Variants in LARP1 observed in about 807,000 individuals in gnomAD.
LARP1 encodes the protein la-related protein 1.
Under a neutral mutation model 122.7 loss-of-function variants are expected in LARP1, and 36 were observed. That is an observed-to-expected ratio of 0.29 (90% CI 0.22 to 0.39). The LOEUF (loss-of-function observed/expected upper bound fraction) is 0.39. Ranked by LOEUF, LARP1 falls within the 10% of genes least tolerant of loss-of-function variation. The pLI is 1.00. For synonymous variants in LARP1, 539 were observed against 528.7 expected, an observed-to-expected ratio of 1.02 and a Z score of -0.27; for missense variants, 1,040 against 1,403.6, an observed-to-expected ratio of 0.74 and a Z score of 4.14.
chr5:154,795,765 T>A (rs1240248446), intron 8 of LARP1, among the ~76,000 whole-genome samples: 2 of 146,050 alleles, frequency 1.4e-5, no homozygotes, highest in Non-Finnish European at 3.0e-5. Context: ...TATTAACAGT[T>A]CCTTAATATC....
At chr5:154,809,481 TTTC>T (rs1181475701) in intron 16 of LARP1, among the ~76,000 whole-genome samples, 1 of 151,808 alleles carries the variant, frequency 6.6e-6, no homozygotes, top group Non-Finnish European at 1.5e-5. Context: ...AGCTTCCTAG[TTTC>T]TTCTTGGCAT....
rs1032320917 is a variant in LARP1, at chr5:154,755,740, G to C, written c.-18G>C. ...AGCCTCGGGCGCGCCCGGCTTCTCC[G>C]GGGGGGCGGGCGCGCAGATGGCCAC... is the stretch of plus-strand genomic sequence containing the variant. On this transcript the variant is annotated 5_prime_UTR_variant, in exon 1 of 19. Transcript: ENST00000518297. 4 of 986,932 alleles carry C rather than the reference G, an allele frequency of 4.1e-6. No homozygotes were observed. Among genetic ancestry groups the C allele is most frequent in the Middle Eastern group, 3.4e-4 (1 of 2,968 alleles). 61.1% of individuals were successfully genotyped at this position (986,932 alleles called of 1,614,324 possible).
intron 1 of LARP1, among the ~76,000 whole-genome samples, chr5:154,771,682 A>G (rs375255850): frequency 2.0e-5 from 3 of 152,214 alleles, no homozygotes; most frequent in Non-Finnish European, 4.4e-5. Context: ...CTCCGCTGGC[A>G]GGGTGGGCTC....
intron 1 of LARP1, among the ~76,000 whole-genome samples, chr5:154,744,518 A>G (rs1159491760): frequency 2.0e-5 from 3 of 151,260 alleles, no homozygotes; most frequent in Non-Finnish European, 2.9e-5. Flanking sequence ...TACTGTGTGG[A>G]CCAAACAAAA....
At chr5:154,757,896 TC>T (rs1476071686) in intron 1 of LARP1, among the ~76,000 whole-genome samples, 2 of 102,568 alleles carry the variant, frequency 1.9e-5, no homozygotes, top group East Asian at 6.6e-4. Context: ...TTCCTCCCCT[TC>T]CCCCCTCCTC....
chr5:154,808,076 A>G (rs1026655166), intron 15 of LARP1, among the ~76,000 whole-genome samples: 3 of 152,066 alleles, frequency 2.0e-5, no homozygotes, highest in African/African-American at 7.2e-5. Context: ...ACTTGTGACT[A>G]TTGTAGGACT....
chr5:154,755,246 G>C (rs569271764), upstream of LARP1, among the ~76,000 whole-genome samples: 2,484 of 18,004 alleles, frequency 0.14, 27 homozygotes, highest in Non-Finnish European at 0.17. Context: ...CCGTCGCCCA[G>C]GGCCCGGCCA....
intron 1 of LARP1, among the ~76,000 whole-genome samples, chr5:154,767,163 G>T (rs1755020660): frequency 6.6e-6 from 1 of 152,212 alleles, no homozygotes; most frequent in South Asian, 2.1e-4. Context: ...AGTGCCCTTG[G>T]ATAGGTTGCT....
At chr5:154,741,463 T>G (rs751394961) in intron 1 of LARP1, among the ~76,000 whole-genome samples, 6 of 152,304 alleles carry the variant, frequency 3.9e-5, no homozygotes, top group Admixed American at 2.0e-4. Context: ...AATCAGAGGT[T>G]GTGATCTGTG....
At chr5:154,771,035 G>A (rs1582355413) in intron 1 of LARP1, among the ~76,000 whole-genome samples, 2 of 151,520 alleles carry the variant, frequency 1.3e-5, no homozygotes, top group Non-Finnish European at 1.5e-5. Flanking sequence ...TCGCTTGAAC[G>A]CAGGAGGTGG....
intron 1 of LARP1, among the ~76,000 whole-genome samples, chr5:154,748,462 A>G (rs1753315439): frequency 6.6e-6 from 1 of 152,200 alleles, no homozygotes; most frequent in Non-Finnish European, 1.5e-5. Flanking sequence ...AAAATGAAAA[A>G]TATATGTTTT....
intron 4 of LARP1, 139 bp from the exon 5 acceptor site, chr5:154,793,456 G>C: frequency 1.8e-5 from 18 of 1,024,486 alleles, no homozygotes; most frequent in Non-Finnish European, 2.7e-5. Flanking sequence ...GAGGGCTAAT[G>C]TGTGGGAAAG....
At chr5:154,790,179 G>C (rs17116433) in intron 1 of LARP1, 146 bp from the exon 2 acceptor site, 3 of 600,282 alleles carry the variant, frequency 5.0e-6, no homozygotes, top group East Asian at 2.8e-5. Context: ...GTTTGAGCAC[G>C]TGTCTTTCCC....
At chr5:154,688,470 T>C (rs10074675) in intron 1 of LARP1, among the ~76,000 whole-genome samples, 100,739 of 151,166 alleles carry the variant, frequency 0.67, 33,804 homozygotes, top group Non-Finnish European at 0.7. Flanking sequence ...GCCAACATGG[T>C]GAAACCCTGT....
chr5:154,759,289 T>G (rs1754254925), intron 1 of LARP1, among the ~76,000 whole-genome samples: 1 of 152,200 alleles, frequency 6.6e-6, no homozygotes, highest in Non-Finnish European at 1.5e-5. Context: ...GACTTTTCCC[T>G]GGGTCTCTGG....
upstream of LARP1, among the ~76,000 whole-genome samples, chr5:154,711,697 T>A (rs934455476): frequency 2.6e-5 from 4 of 152,216 alleles, no homozygotes; most frequent in African/African-American, 9.6e-5. Flanking sequence ...CTTCCAGGAA[T>A]AAATAAGGAA....
At chr5:154,773,240 A>T (rs1258246594) in intron 1 of LARP1, among the ~76,000 whole-genome samples, 1 of 152,126 alleles carries the variant, frequency 6.6e-6, no homozygotes. Context: ...ATGGGTTACA[A>T]ACTATGGCTA....
chr5:154,789,098 C>A (rs1195396553), intron 1 of LARP1, among the ~76,000 whole-genome samples: 2 of 151,782 alleles, frequency 1.3e-5, no homozygotes, highest in Non-Finnish European at 2.9e-5. Flanking sequence ...GCAGTCCCAG[C>A]TACTTGGGAG....
At chr5:154,692,128 C>T (rs1754249155) in intron 1 of LARP1, among the ~76,000 whole-genome samples, 1 of 152,300 alleles carries the variant, frequency 6.6e-6, no homozygotes. Flanking sequence ...TCGCTGGCTC[C>T]CTAGTGCCCT....
Sources: allele counts gnomAD v4.1 joint callset (sites outside exome capture counted in the v4.1 genomes callset), GRCh38; gene constraint gnomAD v4.1.1; transcripts MANE v1.5; gene names NCBI Gene and HGNC (gene_info 2026-07-23, HGNC 2026-07-21).